Variants in DRC8 observed in about 807,000 individuals in gnomAD.
DRC8 encodes the protein dynein regulatory complex subunit 8.
the DRC8 span, chr1:244,970,377 G>A: frequency 1.3e-6 from 2 of 1,533,260 alleles, no homozygotes; most frequent in South Asian, 1.2e-5. Context: ...CGCGGCCGAG[G>A]TTATCGTTAG....
the DRC8 span, among the ~76,000 whole-genome samples, chr1:245,061,742 A>G: frequency 6.6e-6 from 1 of 152,248 alleles, no homozygotes; most frequent in Admixed American, 6.5e-5. Flanking sequence ...GGTAAATGTC[A>G]TATTGCTAAA....
the DRC8 span, among the ~76,000 whole-genome samples, chr1:244,999,867 A>G: frequency 6.6e-6 from 1 of 152,124 alleles, no homozygotes; most frequent in Non-Finnish European, 1.5e-5. Flanking sequence ...GCTGGAGTGC[A>G]GTGGTGCAAT....
the DRC8 span, among the ~76,000 whole-genome samples, chr1:245,041,402 A>G: frequency 3.3e-5 from 5 of 152,136 alleles, no homozygotes; most frequent in African/African-American, 1.2e-4. Context: ...ACATGTTATG[A>G]TTTTCATTTT....
At chr1:245,038,531 C>T in the DRC8 span, among the ~76,000 whole-genome samples, 1 of 152,060 alleles carries the variant, frequency 6.6e-6, no homozygotes, top group Non-Finnish European at 1.5e-5. Flanking sequence ...TACAAATCCT[C>T]TATTGTTAAA....
At chr1:245,051,316 C>T in the DRC8 span, among the ~76,000 whole-genome samples, 2 of 152,024 alleles carry the variant, frequency 1.3e-5, no homozygotes. Context: ...CGCTTGAGCC[C>T]AGGAGTTTGA....
the DRC8 span, among the ~76,000 whole-genome samples, chr1:245,006,110 G>C: frequency 6.6e-6 from 1 of 152,178 alleles, no homozygotes; most frequent in African/African-American, 2.4e-5. Context: ...TAAGGAGTCT[G>C]AATGTTAGTT....
chr1:245,085,047 A>C, the DRC8 span, among the ~76,000 whole-genome samples: 129 of 152,388 alleles, frequency 8.5e-4, 1 homozygote, highest in East Asian at 0.022. Context: ...AAAATGGCCC[A>C]AACAGTTAGA....
chr1:245,100,387 AAGT>A, the DRC8 span, among the ~76,000 whole-genome samples: 2 of 106,124 alleles, frequency 1.9e-5, no homozygotes, highest in African/African-American at 7.1e-5. Context: ...TCCATCTCAA[AAGT>A]AGTAGTAATA....
chr1:245,092,458 C>T, the DRC8 span, among the ~76,000 whole-genome samples: 3 of 152,202 alleles, frequency 2.0e-5, no homozygotes, highest in Non-Finnish European at 2.9e-5. Context: ...CACTACCTTA[C>T]CCTCCTGGGC....
chr1:244,993,360 G>A, the DRC8 span, among the ~76,000 whole-genome samples: 60 of 152,236 alleles, frequency 3.9e-4, no homozygotes, highest in South Asian at 2.3e-3. Flanking sequence ...TGGGCCTTCC[G>A]TCCCATTACA....
the DRC8 span, among the ~76,000 whole-genome samples, chr1:245,044,646 C>T: frequency 1.1e-4 from 17 of 151,984 alleles, no homozygotes; most frequent in African/African-American, 2.2e-4. Flanking sequence ...GGCACCATCT[C>T]GGCTCTACCT....
chr1:244,988,828 G>A, the DRC8 span, among the ~76,000 whole-genome samples: 1 of 152,142 alleles, frequency 6.6e-6, no homozygotes, highest in Non-Finnish European at 1.5e-5. Flanking sequence ...TATAGTTCAG[G>A]TGGTAACCCT....
the DRC8 span, among the ~76,000 whole-genome samples, chr1:245,121,301 T>C: frequency 6.6e-6 from 1 of 152,214 alleles, no homozygotes; most frequent in Non-Finnish European, 1.5e-5. Context: ...GCTCAACCCA[T>C]AAAAGGAATT....
chr1:245,097,112 A>C, the DRC8 span, among the ~76,000 whole-genome samples: 1 of 152,222 alleles, frequency 6.6e-6, no homozygotes, highest in Non-Finnish European at 1.5e-5. This position sits in a 1 kb window ranked among gnomAD's most constrained non-coding sequence, Gnocchi z 5.0. Context: ...GGAGTAGGGA[A>C]GTCCATTTTC....
At chr1:245,017,911 G>A in the DRC8 span, among the ~76,000 whole-genome samples, 1 of 152,030 alleles carries the variant, frequency 6.6e-6, no homozygotes, top group African/African-American at 2.4e-5. Flanking sequence ...AGAATTGTAG[G>A]GTTTGTGCCA....
At chr1:245,028,925 T>G in the DRC8 span, among the ~76,000 whole-genome samples, 4 of 152,242 alleles carry the variant, frequency 2.6e-5, no homozygotes, top group African/African-American at 9.6e-5. Context: ...GTTACTTACT[T>G]TCATACTATG....
the DRC8 span, among the ~76,000 whole-genome samples, chr1:245,047,881 A>G: frequency 1.3e-5 from 2 of 149,722 alleles, no homozygotes; most frequent in Admixed American, 6.7e-5. Context: ...AGGCTGCGGC[A>G]GGGGAATCGC....
the DRC8 span, among the ~76,000 whole-genome samples, chr1:244,989,599 G>A: frequency 6.6e-6 from 1 of 152,036 alleles, no homozygotes; most frequent in South Asian, 2.1e-4. Context: ...TGTTAGCCTC[G>A]ATCGCCTGGC....
chr1:245,105,659 C>A, the DRC8 span, among the ~76,000 whole-genome samples: 2 of 151,536 alleles, frequency 1.3e-5, no homozygotes, highest in African/African-American at 4.8e-5. Flanking sequence ...AAACAAAAAC[C>A]CAAGATAATA....
Sources: gnomAD v4.1 joint callset for allele counts (sites outside exome capture counted in the v4.1 genomes callset) on GRCh38, gnomAD v4.1.1 for gene constraint, Gnocchi (gnomAD v3.1) non-coding constraint, MANE v1.5 for transcripts, NCBI Gene and HGNC (gene_info 2026-07-23, HGNC 2026-07-21) for gene names.